The following KLHL32 variants were observed in gnomAD, a reference collection of about 807,000 sequenced individuals.
The protein encoded by KLHL32 is kelch-like protein 32.
In KLHL32, 35 loss-of-function variants were observed where a neutral mutation model predicts 64.8. The ratio of observed to expected loss-of-function variants is 0.54; its 90% CI spans 0.41 to 0.72. The LOEUF (loss-of-function observed/expected upper bound fraction) is 0.72, where lower values mean the gene tolerates loss of function less well. KLHL32 is among the 30% of genes least tolerant of loss of function. The probability of loss-of-function intolerance (pLI) is 0.00; values close to 1 mark genes in which losing one functional copy is unlikely to be tolerated. For synonymous variants in KLHL32, 259 were observed against 281.0 expected (o/e 0.92, Z 0.78); for missense variants, 589 against 768.5 (o/e 0.77, Z 2.76).
At chr6:96,988,124 G>A (rs1447595563) in intron 3 of KLHL32, among the ~76,000 whole-genome samples, 7 of 152,246 alleles carry the variant, frequency 4.6e-5, no homozygotes, top group African/African-American at 1.7e-4. Flanking sequence ...AAACTAAAGA[G>A]CTTCTGCACA....
intron 6 of KLHL32, among the ~76,000 whole-genome samples, chr6:97,093,383 T>C (rs554008392): frequency 3.2e-4 from 49 of 152,336 alleles, no homozygotes; most frequent in African/African-American, 1.1e-3. Flanking sequence ...GATCCAAATT[T>C]TAACTAGTGA....
At chr6:96,950,187 A>G (rs1210713466) in intron 1 of KLHL32, among the ~76,000 whole-genome samples, 1 of 152,080 alleles carries the variant, frequency 6.6e-6, no homozygotes, top group African/African-American at 2.4e-5. Flanking sequence ...TTAATGACAG[A>G]GGCAAGTGTT....
chr6:96,920,074 C>T (rs1042317354), upstream of KLHL32, among the ~76,000 whole-genome samples: 9 of 152,160 alleles, frequency 5.9e-5, no homozygotes, highest in South Asian at 6.2e-4. Flanking sequence ...GAAAAAAACC[C>T]GATGAGGAAG....
At chr6:96,981,013 G>A (rs986872680) in intron 3 of KLHL32, among the ~76,000 whole-genome samples, 2 of 150,588 alleles carry the variant, frequency 1.3e-5, no homozygotes, top group East Asian at 2.0e-4. Flanking sequence ...GGGGCGGGGG[G>A]GCAGGCGGGG....
intron 4 of KLHL32, among the ~76,000 whole-genome samples, chr6:97,049,668 A>T (rs970150094): frequency 6.6e-6 from 1 of 152,228 alleles, no homozygotes; most frequent in African/African-American, 2.4e-5. Context: ...GCCAGAGTCC[A>T]TAACTGGAGT....
the KLHL32 span, among the ~76,000 whole-genome samples, chr6:96,901,142 G>T: frequency 6.6e-6 from 1 of 152,154 alleles, no homozygotes. Context: ...CTGCTTTGTG[G>T]TTACTGCACT....
chr6:96,902,246 T>A, the KLHL32 span, among the ~76,000 whole-genome samples: 1 of 152,070 alleles, frequency 6.6e-6, no homozygotes, highest in Non-Finnish European at 1.5e-5. Context: ...CTTGCCAGCA[T>A]CTGTTTTTGT....
intron 2 of KLHL32, among the ~76,000 whole-genome samples, chr6:96,968,971 A>G (rs1426551187): frequency 3.3e-5 from 5 of 152,320 alleles, no homozygotes; most frequent in South Asian, 4.1e-4. Flanking sequence ...CACAAAAACA[A>G]CAAAGACATG....
chr6:97,068,206 C>T (rs1790121769), intron 5 of KLHL32, among the ~76,000 whole-genome samples: 1 of 152,062 alleles, frequency 6.6e-6, no homozygotes, highest in Admixed American at 6.6e-5. Flanking sequence ...CATTTTGTAT[C>T]ACCTTGCCCA....
At chr6:96,906,656 A>G in the KLHL32 span, among the ~76,000 whole-genome samples, 1 of 152,226 alleles carries the variant, frequency 6.6e-6, no homozygotes, top group Non-Finnish European at 1.5e-5. Context: ...AGGTCTTTGT[A>G]GTGGCACTGC....
chr6:96,965,853 C>A (rs1487927365), intron 1 of KLHL32, among the ~76,000 whole-genome samples: 1 of 151,994 alleles, frequency 6.6e-6, no homozygotes, highest in Non-Finnish European at 1.5e-5. Flanking sequence ...TAGAGACATA[C>A]TATTTTTAAT....
At chr6:97,100,451 A>G (rs570140094) in intron 6 of KLHL32, among the ~76,000 whole-genome samples, 6 of 152,184 alleles carry the variant, frequency 3.9e-5, no homozygotes, top group Non-Finnish European at 5.9e-5. Flanking sequence ...CCTTGACAGT[A>G]GAGTCTGGCC....
intron 3 of KLHL32, among the ~76,000 whole-genome samples, chr6:97,016,823 G>C (rs1307610624): frequency 2.0e-5 from 3 of 152,182 alleles, no homozygotes; most frequent in Non-Finnish European, 4.4e-5. Context: ...TCCTGCGGTT[G>C]GTTTACCCCA....
At chr6:97,118,430 C>A (rs1351155778) in intron 7 of KLHL32, among the ~76,000 whole-genome samples, 1 of 151,862 alleles carries the variant, frequency 6.6e-6, no homozygotes. Flanking sequence ...ACCAGCCTGG[C>A]CAGCATGGTG....
At chr6:97,130,416 CTT>C (rs1166577718) in intron 8 of KLHL32, among the ~76,000 whole-genome samples, 1 of 152,198 alleles carries the variant, frequency 6.6e-6, no homozygotes, top group African/African-American at 2.4e-5. Flanking sequence ...TGCTTTCACT[CTT>C]AATGAATTTG....
chr6:97,027,570 T>C (rs1210282175), intron 3 of KLHL32, among the ~76,000 whole-genome samples: 3 of 152,038 alleles, frequency 2.0e-5, no homozygotes, highest in African/African-American at 7.3e-5. Flanking sequence ...CCAAAATAAT[T>C]GGGGGAAAAG....
At chr6:96,955,022 T>A (rs1202173050) in intron 1 of KLHL32, among the ~76,000 whole-genome samples, 1 of 152,190 alleles carries the variant, frequency 6.6e-6, no homozygotes, top group Non-Finnish European at 1.5e-5. Context: ...CTTCCTAGTT[T>A]ACAGATGACC....
At chr6:97,000,874 A>G (rs1219411453) in intron 3 of KLHL32, among the ~76,000 whole-genome samples, 2 of 152,250 alleles carry the variant, frequency 1.3e-5, no homozygotes, top group Non-Finnish European at 2.9e-5. Context: ...CTATCAAGCC[A>G]TGAAAATGCA....
At chr6:97,093,292 G>A (rs139903200) in intron 6 of KLHL32, among the ~76,000 whole-genome samples, 13 of 152,248 alleles carry the variant, frequency 8.5e-5, no homozygotes, top group African/African-American at 2.2e-4. Flanking sequence ...AGCCTAGAGG[G>A]CTTTATATTT....
Sources: allele counts gnomAD v4.1 joint callset (sites outside exome capture counted in the v4.1 genomes callset), GRCh38; gene constraint gnomAD v4.1.1; transcripts MANE v1.5; gene names NCBI Gene and HGNC (gene_info 2026-07-23, HGNC 2026-07-21).